The following CXorf66 variants were observed in gnomAD, a reference collection of about 807,000 sequenced individuals.
The protein encoded by CXorf66 is chromosome X open reading frame 66.
A neutral mutation model predicts 5.0 loss-of-function variants in CXorf66; 6 were observed. The ratio of observed to expected loss-of-function variants is 1.20; its 90% CI spans 0.65 to 2.36. The LOEUF (loss-of-function observed/expected upper bound fraction) is 2.36, where lower values mean the gene tolerates loss of function less well. Ranked by LOEUF, CXorf66 falls within the 30% of genes most tolerant of loss-of-function variation. The probability of loss-of-function intolerance (pLI) is 0.00; values close to 1 mark genes in which losing one functional copy is unlikely to be tolerated. For missense variants in CXorf66, 270 were observed against 254.9 expected (o/e 1.06, Z -0.40); for synonymous variants, 98 against 102.8 (o/e 0.95, Z 0.28).
rs775808987 is a variant in CXorf66, at chrX:139,956,717, C to T, written c.265G>A (p.Ala89Thr). The T allele has an allele frequency of 1.1e-5, 13 of 1,204,485 alleles. No individual in the cohort carries two copies. In the East Asian group the frequency reaches 3.6e-4, roughly 33 times the overall value. The change falls in exon 3 of 3, where the codon GCC becomes ACC. Residue 89 changes from alanine (A) to threonine (T), a missense_variant. By Grantham distance (58) the Ala-to-Thr change is moderately conservative (BLOSUM62 0). Transcript: ENST00000370540. ...AGMVKKKGIAAKSSKTSFSEA... is the reference protein window; with the variant it reads ...AGMVKKKGIATKSSKTSFSEA... The stretch of plus-strand genomic sequence containing the variant: ...CTGAATGATGTTTTAGATGACTTGG[C>T]TGCTATGCCTTTTTTCTTGACCCTG...
intron 1 of CXorf66, among the ~76,000 whole-genome samples, chrX:139,961,272 G>A (rs2085592498): frequency 9.0e-6 from 1 of 111,458 alleles, no homozygotes; most frequent in African/African-American, 3.3e-5. Context: ...AAAAGCAGGG[G>A]TTGCAATCCT....
At chrX:139,957,309 A>G (rs1360661457) in intron 2 of CXorf66, among the ~76,000 whole-genome samples, 1 of 111,787 alleles carries the variant, frequency 8.9e-6, no homozygotes, top group Admixed American at 9.6e-5. Context: ...TAATCCACAT[A>G]TAGAATTACA....
chrX:139,964,130 T>C (rs1410661114), intron 1 of CXorf66, among the ~76,000 whole-genome samples: 6 of 111,776 alleles, frequency 5.4e-5, no homozygotes, highest in African/African-American at 1.9e-4. Context: ...ACACGCAACC[T>C]ACAGAATGGG....
intron 1 of CXorf66, among the ~76,000 whole-genome samples, chrX:139,959,040 T>C: frequency 9.0e-6 from 1 of 111,361 alleles, no homozygotes; most frequent in East Asian, 2.8e-4. Flanking sequence ...TTCCCCCCAG[T>C]GGCACCTGGA....
rs183768539 is a variant in CXorf66 at position 139,960,437 on chromosome X, C to A, written c.89-2220G>T. ...AGAAATATGGGACTATGTGAAAAGA[C>A]CAAACCTACGATTGATTGGTGCACC... On this transcript the variant is annotated intron_variant, in intron 1 of 2. Transcript: ENST00000370540. Among the ~76,000 whole-genome samples, 123 of 110,301 alleles carry A rather than the reference C, an allele frequency of 1.1e-3. 1 individual carries two copies. Among genetic ancestry groups the A allele is most frequent in the African/African-American group, 3.8e-3 (117 of 30,422 alleles).
Position 139,965,500 on chromosome X carries a change from C to A in CXorf66, c.-4G>T. The A allele has an allele frequency of 8.5e-7, 1 of 1,178,574 alleles. No homozygotes were observed. The highest frequency in any genetic ancestry group is 1.8e-5 in the African/African-American group (1 of 56,827). On this transcript the variant is annotated 5_prime_UTR_variant, in exon 1 of 3. Transcript: ENST00000370540. ...GGACACAAATAACAAGATTCATGTC[C>A]GCAACTTGGTTCAAATGATTTGTCT...
chrX:139,960,896 C>T (rs966220614), intron 1 of CXorf66, among the ~76,000 whole-genome samples: 4 of 111,353 alleles, frequency 3.6e-5, no homozygotes, highest in African/African-American at 1.3e-4. Flanking sequence ...TTTTTGTCAC[C>T]ACCAGGCCTG....
chrX:139,963,141 A>G (rs1229396246), intron 1 of CXorf66, among the ~76,000 whole-genome samples: 2 of 111,885 alleles, frequency 1.8e-5, no homozygotes, highest in African/African-American at 6.5e-5. Flanking sequence ...TGCAGATGAC[A>G]TGATTGTATA....
intron 1 of CXorf66, among the ~76,000 whole-genome samples, chrX:139,958,638 C>T (rs778534354): frequency 1.8e-5 from 2 of 111,980 alleles, no homozygotes; most frequent in Non-Finnish European, 3.8e-5. Context: ...AGGAACAGCT[C>T]TGGTCTGCAG....
intron 1 of CXorf66, among the ~76,000 whole-genome samples, chrX:139,964,212 T>C (rs1175799665): frequency 9.0e-6 from 1 of 111,449 alleles, no homozygotes; most frequent in East Asian, 2.8e-4. Context: ...TAAACAAATT[T>C]ACAAGAAAAA....
Position 139,956,392 on chromosome X carries a change from G to A in CXorf66, c.590C>T (p.Ala197Val), listed in dbSNP as rs758957262. 8.3e-6 allele frequency: 10 copies of A among 1,211,490 alleles called. No homozygotes were observed. Among genetic ancestry groups the A allele is most frequent in the Non-Finnish European group, 1.1e-5 (10 of 895,349 alleles). ...CTTATCTGAACTGGCTAGCTTACAC[G>A]CATAGTCTAGCTTACATAATTTTTC... ...SLEKLCKLDY[A>V]CKLASSDKPV... Residue 197 changes from alanine (A) to valine (V), a missense_variant, in exon 3 of 3, where the codon GCG (alanine) becomes GTG (valine). Coordinates refer to ENST00000370540, the MANE Select transcript of CXorf66 (RefSeq NM_001013403.3).
At chrX:139,959,023 GT>G (rs893547483) in intron 1 of CXorf66, among the ~76,000 whole-genome samples, 35 of 111,650 alleles carry the variant, frequency 3.1e-4, no homozygotes, top group South Asian at 1.9e-3. Flanking sequence ...AGCTGTAGCA[GT>G]TTTTTTTCCC....
Position 139,955,968 on chromosome X carries a change from A to G in CXorf66, c.1014T>C (p.Ser338=). 8.3e-7 allele frequency: 1 copy of G among 1,207,173 alleles called. No individual in the cohort carries two copies. The highest frequency in any genetic ancestry group is 1.1e-6 in the Non-Finnish European group (1 of 891,710). ...DTMKYYSEVD[S]DKVIIITCDR... ...CACACGTAATGATTATAACTTTATC[A>G]CTGTCAACCTCACTATAATATTTCA... Residue 338 remains serine (S), a synonymous_variant, in exon 3 of 3, where the codon AGT becomes AGC. Transcript: ENST00000370540.
chrX:139,960,374 A>G (rs1364761455), intron 1 of CXorf66, among the ~76,000 whole-genome samples: 1 of 109,825 alleles, frequency 9.1e-6, no homozygotes, highest in African/African-American at 3.3e-5. Flanking sequence ...ACAGGATTAG[A>G]GAAAAAAGAA....
Position 139,956,526 on chromosome X carries a change from T to C in CXorf66, c.456A>G (p.Ala152=). 1 of 1,211,891 alleles carries C rather than the reference T, an allele frequency of 8.3e-7. No homozygotes were observed. The highest frequency in any genetic ancestry group is 1.1e-6 in the Non-Finnish European group (1 of 895,540). ...GATATGATGGCCTAGTTAACTTTCCTGCACTGTTTGGTATGGATGGCTTTT... is the reference window on the plus strand; with the variant it reads ...GATATGATGGCCTAGTTAACTTTCCCGCACTGTTTGGTATGGATGGCTTTT... ...SLQKPSIPNS[A]GKLTRPSYPK... Residue 152 remains alanine, a synonymous_variant, in exon 3 of 3, where the codon GCA becomes GCG. Coordinates refer to ENST00000370540, the MANE Select transcript of CXorf66 (RefSeq NM_001013403.3).
intron 1 of CXorf66, among the ~76,000 whole-genome samples, chrX:139,960,825 A>T (rs2085590802): frequency 1.8e-5 from 2 of 111,761 alleles, no homozygotes; most frequent in African/African-American, 6.5e-5. Context: ...TATCCAGTCA[A>T]ACTAAGTTTC....
At chrX:139,963,045 A>C (rs1463146342) in intron 1 of CXorf66, among the ~76,000 whole-genome samples, 1 of 112,032 alleles carries the variant, frequency 8.9e-6, no homozygotes, top group Non-Finnish European at 1.9e-5. Flanking sequence ...ACTCCTATTC[A>C]ACATAGTATT....
Position 139,956,650 on chromosome X carries a change from G to C in CXorf66, c.332C>G (p.Pro111Arg). 1 of 1,211,251 alleles carries C rather than the reference G, an allele frequency of 8.3e-7. No homozygotes were observed. Among genetic ancestry groups the C allele is most frequent in the Non-Finnish European group, 1.1e-6 (1 of 895,082 alleles). ...TASQCSPETQ[P>R]MLSTADKSSD... ...TGACTTGTCTGCAGTAGATAGCATG[G>C]GTTGTGTTTCTGGACTGCATTGAGA... Residue 111 changes from proline (P) to arginine (R), a missense_variant, in exon 3 of 3, where the codon CCC (proline) becomes CGC (arginine). Physicochemically the swap from Pro to Arg is moderately radical, Grantham distance 103 (BLOSUM62 -2). Transcript: ENST00000370540.
rs74556903 is a variant in CXorf66 at position 139,956,141 on chromosome X, G to T, written c.841C>A (p.Pro281Thr). ...KKHLVAKTYR[P>T]LVNDISEAKE... Reference sequence around the variant, plus strand: ...GCCTCAGAAATATCATTGACCAAAGGCCTATAAGTTTTGGCAACAAGATGT... The same window carrying T: ...GCCTCAGAAATATCATTGACCAAAGTCCTATAAGTTTTGGCAACAAGATGT... Residue 281 changes from proline (P) to threonine (T), a missense_variant, in exon 3 of 3, where the codon CCT (proline) becomes ACT (threonine). By Grantham distance (38) the Pro-to-Thr change is conservative. Coordinates refer to ENST00000370540, the MANE Select transcript of CXorf66 (RefSeq NM_001013403.3). 3.6e-5 allele frequency: 44 copies of T among 1,210,000 alleles called. No homozygotes were observed. In the South Asian group the frequency reaches 6.2e-4, roughly 17 times the overall value.
Sources: allele counts gnomAD v4.1 joint callset (sites outside exome capture counted in the v4.1 genomes callset), GRCh38; gene constraint gnomAD v4.1.1; transcripts MANE v1.5; gene names NCBI Gene and HGNC (gene_info 2026-07-23, HGNC 2026-07-21).